CFAP157: variants seen among roughly 807,000 people sequenced by gnomAD.
The protein encoded by CFAP157 is cilia- and flagella-associated protein 157.
Under a neutral mutation model 57.8 loss-of-function variants are expected in CFAP157, and 43 were observed. That is an observed-to-expected ratio of 0.74 (90% CI 0.58 to 0.96). The LOEUF (loss-of-function observed/expected upper bound fraction) is 0.96. CFAP157 is among the 40% of genes least tolerant of loss of function. The probability of loss-of-function intolerance (pLI) is 0.00; values close to 1 mark genes in which losing one functional copy is unlikely to be tolerated. For missense variants in CFAP157, 606 were observed against 655.3 expected (o/e 0.92, Z 0.82); for synonymous variants, 267 against 269.0 (o/e 0.99, Z 0.07).
In CFAP157 at chr9:127,713,182, C is replaced by A. The variant is rs925764312; in HGVS notation, c.1467C>A (p.Thr489=). ...RLLSYITRVG[T]FRAHSSPEMR... ...TGTCATATATCACCCGTGTGGGGACCTTCCGGGCACACAGCAGCCCTGAGG... is the reference window on the plus strand; with the variant it reads ...TGTCATATATCACCCGTGTGGGGACATTCCGGGCACACAGCAGCCCTGAGG... The change falls in exon 8 of 9, where the codon ACC becomes ACA. Residue 489 remains threonine (T), a synonymous_variant. Coordinates refer to ENST00000373295, the MANE Select transcript of CFAP157 (RefSeq NM_001012502.3). 4 of 1,563,274 alleles carry A rather than the reference C, an allele frequency of 2.6e-6. No homozygotes were observed. Among genetic ancestry groups the A allele is most frequent in the Non-Finnish European group, 2.6e-6 (3 of 1,154,494 alleles).
chr9:127,707,325 G>C, intron 1 of CFAP157, 133 bp downstream of exon 1: 2 of 892,902 alleles, frequency 2.2e-6, no homozygotes, highest in East Asian at 2.7e-5. Context: ...ACCCCATCCC[G>C]ACCCCAGCCT....
chr9:127,710,738 G>T lies in CFAP157; in HGVS notation c.571G>T (p.Val191Leu), dbSNP rs779859762. The change falls in exon 3 of 9, where the codon GTG (valine) becomes TTG (leucine). Residue 191 changes from valine (V) to leucine (L), a missense_variant. Transcript: ENST00000373295. ...TGCATACAACCTGGAGAAGAAGTCG[G>T]TGCTGGACAAGGACAGGTGGGCAAG... ...DYAYNLEKKS[V>L]LDKDRLRKEI... The T allele has an allele frequency of 9.2e-5, 144 of 1,567,100 alleles. No individual in the cohort carries two copies. Among genetic ancestry groups the T allele is most frequent in the Non-Finnish European group, 1.2e-4 (135 of 1,155,008 alleles).
rs137863076 is a variant in CFAP157 at position 127,715,590 on chromosome 9, A to T, written c.*1685A>T. 3.6e-4 allele frequency: 582 copies of T among 1,613,324 alleles called. No homozygotes were observed. Among genetic ancestry groups the T allele is most frequent in the Non-Finnish European group, 4.6e-4 (543 of 1,179,958 alleles). Reference sequence around the variant, plus strand: ...GCGAGGCTCCAAAACACATCGGCTCATGGCTCTACTCAGCCGCTGTCCGGC... The same window carrying T: ...GCGAGGCTCCAAAACACATCGGCTCTTGGCTCTACTCAGCCGCTGTCCGGC... On this transcript the variant is annotated 3_prime_UTR_variant, in exon 9 of 9. Transcript: ENST00000373295. This position sits in a 1 kb window ranked among gnomAD's most constrained non-coding sequence, Gnocchi z 5.8.
At chr9:127,707,630 G>A (rs1373871236) in intron 1 of CFAP157, among the ~76,000 whole-genome samples, 2 of 152,094 alleles carry the variant, frequency 1.3e-5, no homozygotes. Flanking sequence ...CTCCATGCTG[G>A]GCCTCAGTTT....
rs74378941 is a variant in CFAP157 at position 127,709,088 on chromosome 9, T to G, written c.162-334T>G. ...TAAAATCATCATAGTACCTACATTC[T>G]TATAGGTTGTTGTAATGATTTAACA... is the stretch of plus-strand genomic sequence containing the variant. On this transcript the variant is annotated intron_variant, in intron 1 of 8. Coordinates refer to ENST00000373295, the MANE Select transcript of CFAP157 (RefSeq NM_001012502.3). This position sits in a 1 kb window ranked among gnomAD's most constrained non-coding sequence, Gnocchi z 4.7. 0.014 allele frequency among the ~76,000 whole-genome samples: 2,140 copies of G among 152,338 alleles called. 53 individuals carry two copies. Among genetic ancestry groups the G allele is most frequent in the African/African-American group, 0.05 (2,065 of 41,580 alleles).
chr9:127,711,133 T>A, intron 3 of CFAP157, 96 bp from the exon 4 acceptor site: 1 of 1,467,324 alleles, frequency 6.8e-7, no homozygotes. Flanking sequence ...TGCTGGTGTT[T>A]AACAGCCCTA....
rs1284529786 is a variant in CFAP157 at position 127,714,969 on chromosome 9, A to G, written c.*1064A>G. ...CGCCCGCCCACCCCTGGCGCTCTCA[A>G]CTCACCAGCCCGGGCCACGCTGCGC... On this transcript the variant is annotated 3_prime_UTR_variant, in exon 9 of 9. Coordinates refer to ENST00000373295, the MANE Select transcript of CFAP157 (RefSeq NM_001012502.3). 2.9e-6 allele frequency: 2 copies of G among 678,554 alleles called. No individual in the cohort carries two copies. Among genetic ancestry groups the G allele is most frequent in the Non-Finnish European group, 3.8e-6 (2 of 530,342 alleles). The allele number at this position is 678,554 out of a possible 1,614,324, so 42.0% of individuals were successfully genotyped here.
In CFAP157 at chr9:127,713,843, C is replaced by G. The variant is rs1404201502; in HGVS notation, c.1501C>G (p.Pro501Ala). ...ATCTTTAATCTTACAGATGCGTGCC[C>G]CTGGTTCTCTAAAAAGGCTTGAAAA... ...RAHSSPEMRA[P>A]GSLKRLEKFS... Residue 501 changes from proline (P) to alanine (A), a missense_variant, in exon 9 of 9, where the codon CCT becomes GCT. Physicochemically the swap from Pro to Ala is conservative, Grantham distance 27. Transcript: ENST00000373295. 1 of 1,613,796 alleles carries G rather than the reference C, an allele frequency of 6.2e-7. No individual in the cohort carries two copies. The highest frequency in any genetic ancestry group is 1.3e-5 in the African/African-American group (1 of 75,024).
intron 5 of CFAP157, 59 bp downstream of exon 5, chr9:127,712,009 C>T: frequency 1.9e-6 from 3 of 1,555,594 alleles, no homozygotes; most frequent in Non-Finnish European, 2.6e-6. Flanking sequence ...AGCTCTGGCC[C>T]AGCTCTTTCC....
rs1456856457 is a variant in CFAP157, at chr9:127,715,165, G to A, written c.*1260G>A. On this transcript the variant is annotated 3_prime_UTR_variant, in exon 9 of 9. Coordinates refer to ENST00000373295, the MANE Select transcript of CFAP157 (RefSeq NM_001012502.3). The surrounding 1 kb of genome is among the most constrained non-coding windows in gnomAD (Gnocchi z 5.8). ...CCATGCCCACGCTGTGTCGCGTGCC[G>A]GGCAGTCCGGGATTCCCCAGGCCAG... The A allele has an allele frequency of 2.0e-6, 3 of 1,530,706 alleles. No individual in the cohort carries two copies. The highest frequency in any genetic ancestry group is 1.4e-5 in the African/African-American group (1 of 72,810). 94.8% of individuals were successfully genotyped at this position (1,530,706 alleles called of 1,614,324 possible). A position where few individuals can be genotyped will look rare whatever the true frequency, so the allele number is the denominator to read the frequency against.
intron 8 of CFAP157, 76 bp from the exon 9 acceptor site, chr9:127,713,758 C>T: frequency 8.1e-7 from 1 of 1,239,100 alleles, no homozygotes; most frequent in Non-Finnish European, 1.2e-6. Flanking sequence ...CCCCCAGCCT[C>T]GGCCTCCCAA....
intron 3 of CFAP157, 28 bp downstream of exon 3, chr9:127,710,782 C>A: frequency 6.4e-7 from 1 of 1,551,996 alleles, no homozygotes; most frequent in Non-Finnish European, 8.7e-7. Context: ...CCTTTGGGGC[C>A]TTTGGAGGCT....
rs987769519 is a variant in CFAP157 at position 127,709,612 on chromosome 9, G to A, written c.352G>A (p.Ala118Thr). ...LQLAKEMEKD[A>T]FEAQLAQVRH... ...GCTAGCCAAAGAGATGGAGAAGGAT[G>A]CCTTCGAGGCGCAGCTGGCCCAGGT... Residue 118 changes from alanine to threonine, a missense_variant, in exon 2 of 9, where the codon GCC (alanine) becomes ACC (threonine). Physicochemically the swap from Ala to Thr is moderately conservative, Grantham distance 58 (BLOSUM62 0). Coordinates refer to ENST00000373295, the MANE Select transcript of CFAP157 (RefSeq NM_001012502.3). The surrounding 1 kb of genome is among the most constrained non-coding windows in gnomAD (Gnocchi z 4.7). The A allele has an allele frequency of 6.2e-7, 1 of 1,613,840 alleles. No homozygotes were observed. The highest frequency in any genetic ancestry group is 8.5e-7 in the Non-Finnish European group (1 of 1,180,040).
chr9:127,712,836 C>T lies in CFAP157; in HGVS notation c.1265C>T (p.Pro422Leu). Residue 422 changes from proline (P) to leucine (L), a missense_variant, in exon 7 of 9, where the codon CCC becomes CTC. Transcript: ENST00000373295. The part of the protein sequence containing the change: ...VATRPQKAAC[P>L]HQESQSHGPP... ...ACGAGACCTCAGAAGGCTGCGTGTC[C>T]CCACCAGGAGTCACAGTCCCATGGC... 1 of 1,613,596 alleles carries T rather than the reference C, an allele frequency of 6.2e-7. No homozygotes were observed.
chr9:127,715,609 G>C lies in CFAP157; in HGVS notation c.*1704G>C. 2 of 1,612,968 alleles carry C rather than the reference G, an allele frequency of 1.2e-6. No homozygotes were observed. The highest frequency in any genetic ancestry group is 2.7e-5 in the African/African-American group (2 of 75,060). The stretch of plus-strand genomic sequence containing the variant: ...CGGCTCATGGCTCTACTCAGCCGCT[G>C]TCCGGCGCCCAAAAAGCCGCCCGGC... On this transcript the variant is annotated 3_prime_UTR_variant, in exon 9 of 9. Transcript: ENST00000373295. This position sits in a 1 kb window ranked among gnomAD's most constrained non-coding sequence, Gnocchi z 5.8.
In CFAP157 at chr9:127,714,180, G is replaced by A. The variant is rs1452943641; in HGVS notation, c.*275G>A. On this transcript the variant is annotated 3_prime_UTR_variant, in exon 9 of 9. Coordinates refer to ENST00000373295, the MANE Select transcript of CFAP157 (RefSeq NM_001012502.3). ...TCGGTGGCTCGATCCAGCAACAGAGGCAGCAGCTCCTGCTCAGCAGGGGAG... is the reference window on the plus strand; with the variant it reads ...TCGGTGGCTCGATCCAGCAACAGAGACAGCAGCTCCTGCTCAGCAGGGGAG... 3 of 1,613,922 alleles carry A rather than the reference G, an allele frequency of 1.9e-6. No individual in the cohort carries two copies. The highest frequency in any genetic ancestry group is 1.7e-5 in the Admixed American group (1 of 60,014).
chr9:127,715,457 A>AT lies in CFAP157; in HGVS notation c.*1555dup. On this transcript the variant is annotated 3_prime_UTR_variant, in exon 9 of 9. Coordinates refer to ENST00000373295, the MANE Select transcript of CFAP157 (RefSeq NM_001012502.3). The surrounding 1 kb of genome is among the most constrained non-coding windows in gnomAD (Gnocchi z 5.8). ...CACCAGTTAAGAAAACAGAGCAGCA[A>AT]TTTGGGGGCACTCGGCTCCCGGGAC... The AT allele has an allele frequency of 1.3e-6, 2 of 1,573,344 alleles. No homozygotes were observed. Among genetic ancestry groups the AT allele is most frequent in the Non-Finnish European group, 1.7e-6 (2 of 1,150,588 alleles).
At position 127,711,537 on chromosome 9, in the gene CFAP157, G is replaced by A. The variant is rs1028320722; in HGVS notation, c.855+41G>A. ...TCAGCACAGGGCATTTGGCATGCAAGGCAGGAGGCCGCCCTGGGGGCCCTG... is the reference window on the plus strand; with the variant it reads ...TCAGCACAGGGCATTTGGCATGCAAAGCAGGAGGCCGCCCTGGGGGCCCTG... On this transcript the variant is annotated intron_variant, in intron 4 of 8. Transcript: ENST00000373295. 14 of 1,592,522 alleles carry A rather than the reference G, an allele frequency of 8.8e-6. No individual in the cohort carries two copies. The Admixed American group carries it at 1.2e-4, about 14-fold the overall frequency.
chr9:127,714,203 G>C lies in CFAP157; in HGVS notation c.*298G>C. The C allele has an allele frequency of 1.2e-6, 2 of 1,613,946 alleles. No individual in the cohort carries two copies. Among genetic ancestry groups the C allele is most frequent in the Admixed American group, 3.3e-5 (2 of 60,022 alleles). On this transcript the variant is annotated 3_prime_UTR_variant, in exon 9 of 9. Transcript: ENST00000373295. ...AGGCAGCAGCTCCTGCTCAGCAGGG[G>C]AGAAGCAGCCCAGCACATGGGCCTG...
Sources: gnomAD v4.1 joint callset for allele counts (sites outside exome capture counted in the v4.1 genomes callset) on GRCh38, gnomAD v4.1.1 for gene constraint, Gnocchi (gnomAD v3.1) non-coding constraint, MANE v1.5 for transcripts, NCBI Gene and HGNC (gene_info 2026-07-23, HGNC 2026-07-21) for gene names.